ARHGAP21: variants seen among roughly 807,000 people sequenced by gnomAD.
ARHGAP21 encodes the protein Rho GTPase activating protein 21, also known as rho GTPase-activating protein 21.
Under a neutral mutation model 164.6 loss-of-function variants are expected in ARHGAP21, and 38 were observed. The ratio of observed to expected loss-of-function variants is 0.23; its 90% CI spans 0.18 to 0.30. ARHGAP21 has a LOEUF of 0.30. ARHGAP21 is among the 10% of genes least tolerant of loss of function. The pLI is 1.00. For synonymous variants in ARHGAP21, 766 were observed against 857.9 expected, an observed-to-expected ratio of 0.89 and a Z score of 1.87; for missense variants, 1,822 against 2,370.7, an observed-to-expected ratio of 0.77 and a Z score of 4.81.
At chr10:24,587,368 C>G (rs2076149010) in intron 25 of ARHGAP21, among the ~76,000 whole-genome samples, 1 of 151,972 alleles carries the variant, frequency 6.6e-6, no homozygotes, top group Admixed American at 6.6e-5. Flanking sequence ...AGCAGGTAGG[C>G]AGGAGGTATG....
At position 24,604,352 on chromosome 10, in the gene ARHGAP21, T is replaced by C. The variant is rs752223380; in HGVS notation, c.2685-4A>G. 76 of 1,586,104 alleles carry C rather than the reference T, an allele frequency of 4.8e-5. No individual in the cohort carries two copies. Among genetic ancestry groups the C allele is most frequent in the Non-Finnish European group, 5.8e-5 (68 of 1,166,926 alleles). ...ACTAGATACGTGCTTAAAGGACCTG[T>C]TGGGGAAAAAATATATAAATATTTT... On this transcript the variant is annotated splice_region_variant and splice_polypyrimidine_tract_variant and intron_variant, in intron 11 of 25. Coordinates refer to ENST00000396432, the MANE Select transcript of ARHGAP21 (RefSeq NM_020824.4).
rs1348706513 is a variant in ARHGAP21, at chr10:24,629,833, A to G, written c.495+163T>C. On this transcript the variant is annotated intron_variant, in intron 7 of 25. Transcript: ENST00000396432. ...TTAATTGCAAAAACTTGGCAATGGT[A>G]TTTTTGTAAAATGTAGAGAATTCCA... The G allele has an allele frequency of 7.3e-6, 5 of 688,222 alleles. No individual in the cohort carries two copies. The East Asian group carries it at 1.2e-4, about 16-fold the overall frequency. 42.6% of individuals were successfully genotyped at this position (688,222 alleles called of 1,614,324 possible).
chr10:24,709,231 C>T (rs1844539450), intron 2 of ARHGAP21, among the ~76,000 whole-genome samples: 1 of 152,098 alleles, frequency 6.6e-6, no homozygotes. Context: ...AACCTGAACA[C>T]ATCAATAACA....
chr10:24,692,482 A>G (rs976741014), intron 2 of ARHGAP21, among the ~76,000 whole-genome samples: 1 of 152,246 alleles, frequency 6.6e-6, no homozygotes, highest in Admixed American at 6.5e-5. Context: ...AACCAGCTCT[A>G]TATTTTGGAA....
chr10:24,638,015 C>G (rs946725923), intron 4 of ARHGAP21, among the ~76,000 whole-genome samples: 1 of 152,004 alleles, frequency 6.6e-6, no homozygotes, highest in African/African-American at 2.4e-5. Context: ...CAGGTGCCCG[C>G]CACCATGCCT....
At chr10:24,628,750 A>AC in intron 7 of ARHGAP21, among the ~76,000 whole-genome samples, 1 of 101,166 alleles carries the variant, frequency 9.9e-6, no homozygotes, top group Admixed American at 1.0e-4. Context: ...TCTTGAATGA[A>AC]ATATGTGTGT....
intron 2 of ARHGAP21, among the ~76,000 whole-genome samples, chr10:24,687,169 G>GA (rs1336409343): frequency 3.5e-4 from 53 of 150,896 alleles, no homozygotes; most frequent in Non-Finnish European, 5.3e-4. Context: ...CTGTCTCAAA[G>GA]AAAAAAAAAG....
chr10:24,641,742 T>A (rs1165727691), intron 4 of ARHGAP21, among the ~76,000 whole-genome samples: 1 of 152,180 alleles, frequency 6.6e-6, no homozygotes, highest in African/African-American at 2.4e-5. Context: ...ACGCCTGTAA[T>A]CCCAGCACTT....
At chr10:24,660,912 G>T (rs762607659) in intron 4 of ARHGAP21, among the ~76,000 whole-genome samples, 1 of 152,032 alleles carries the variant, frequency 6.6e-6, no homozygotes, top group Non-Finnish European at 1.5e-5. Context: ...AATATCGGAT[G>T]TTCTGCTCAG....
chr10:24,613,508 C>A (rs1309957826), intron 9 of ARHGAP21, among the ~76,000 whole-genome samples: 1 of 152,166 alleles, frequency 6.6e-6, no homozygotes, highest in Non-Finnish European at 1.5e-5. Flanking sequence ...TAACATTCAG[C>A]TTCTTCAAAG....
At chr10:24,602,983 G>T (rs2076876300) in intron 12 of ARHGAP21, among the ~76,000 whole-genome samples, 1 of 152,146 alleles carries the variant, frequency 6.6e-6, no homozygotes, top group South Asian at 2.1e-4. Context: ...AGGAAGTCTG[G>T]GGGTAACTGC....
chr10:24,670,213 C>A lies in ARHGAP21; in HGVS notation c.243+5G>T. 1 of 1,570,450 alleles carries A rather than the reference C, an allele frequency of 6.4e-7. No individual in the cohort carries two copies. The highest frequency in any genetic ancestry group is 8.6e-7 in the Non-Finnish European group (1 of 1,156,166). On this transcript the variant is annotated splice_donor_5th_base_variant and intron_variant, in intron 3 of 25. Coordinates refer to ENST00000396432, the MANE Select transcript of ARHGAP21 (RefSeq NM_020824.4). The stretch of plus-strand genomic sequence containing the variant: ...TTTTCAAGTTGCGGTAACTATTTCT[C>A]TTACCTTATATGAAAATTGAATTGC...
intron 2 of ARHGAP21, among the ~76,000 whole-genome samples, chr10:24,711,861 C>T (rs775187599): frequency 1.3e-5 from 2 of 152,074 alleles, no homozygotes; most frequent in South Asian, 2.1e-4. Context: ...GATATGTCCA[C>T]CCAGAACCTG....
Position 24,585,355 on chromosome 10 carries a change from G to C in ARHGAP21, c.4934C>G (p.Pro1645Arg), listed in dbSNP as rs1273401662. The stretch of plus-strand genomic sequence containing the variant: ...AAGCCTCTCTGAAGTCAAGGCTGTG[G>C]GGAACACGGGAAACTCGCTCTCGCT... ...TDSESEFPVF[P>R]TALTSERLFR... is the part of the protein sequence containing the mutation. The change falls in exon 26 of 26, where the codon CCC becomes CGC. Residue 1645 changes from proline (P) to arginine (R), a missense_variant. Transcript: ENST00000396432. 3.1e-6 allele frequency: 5 copies of C among 1,613,412 alleles called. No homozygotes were observed. Among genetic ancestry groups the C allele is most frequent in the Non-Finnish European group, 3.4e-6 (4 of 1,180,024 alleles).
intron 2 of ARHGAP21, 101 bp downstream of exon 2, chr10:24,721,735 GA>G: frequency 7.4e-7 from 1 of 1,356,670 alleles, no homozygotes; most frequent in Non-Finnish European, 1.0e-6. Context: ...AAAGCCCCGG[GA>G]AGCCCCTAGT....
intron 21 of ARHGAP21, 33 bp downstream of exon 21, chr10:24,594,917 A>G: frequency 6.5e-7 from 1 of 1,532,900 alleles, no homozygotes; most frequent in Non-Finnish European, 9.0e-7. Context: ...AAAGCCACTA[A>G]AAGTACATTT....
chr10:24,603,184 T>C (rs2076885808), intron 12 of ARHGAP21, among the ~76,000 whole-genome samples: 1 of 152,030 alleles, frequency 6.6e-6, no homozygotes. Context: ...AACATTTAAA[T>C]ATCAGGTGGA....
chr10:24,704,194 T>C (rs1843981738), intron 2 of ARHGAP21, among the ~76,000 whole-genome samples: 1 of 152,094 alleles, frequency 6.6e-6, no homozygotes, highest in Non-Finnish European at 1.5e-5. Flanking sequence ...ACTGATTTTG[T>C]GACCTCCACC....
chr10:24,720,771 C>T (rs1420578402), intron 2 of ARHGAP21, among the ~76,000 whole-genome samples: 1 of 152,020 alleles, frequency 6.6e-6, no homozygotes, highest in African/African-American at 2.4e-5. Context: ...ATTTAACATC[C>T]GGTGCAAAAG....
Sources: allele counts gnomAD v4.1 joint callset (sites outside exome capture counted in the v4.1 genomes callset), GRCh38; gene constraint gnomAD v4.1.1; transcripts MANE v1.5; gene names NCBI Gene and HGNC (gene_info 2026-07-23, HGNC 2026-07-21).